Variants in NCOA2 observed in about 807,000 individuals in gnomAD.
NCOA2 encodes the protein class E basic helix-loop-helix protein 75.
A neutral mutation model predicts 145.1 loss-of-function variants in NCOA2; 21 were observed. The observed-to-expected ratio is 0.14, with a 90% confidence interval of 0.10 to 0.21. NCOA2 has a LOEUF of 0.21. Ranked by LOEUF, NCOA2 falls within the 10% of genes least tolerant of loss-of-function variation. The pLI is 1.00. For missense variants in NCOA2, 1,472 were observed against 1,837.6 expected (o/e 0.80, Z 3.64); for synonymous variants, 619 against 637.5 (o/e 0.97, Z 0.44).
Position 70,138,183 on chromosome 8 carries a change from C to A in NCOA2, c.3158+20G>T. On this transcript the variant is annotated intron_variant, in intron 15 of 22. Coordinates refer to ENST00000452400, the MANE Select transcript of NCOA2 (RefSeq NM_006540.4). ...GGACAGGTATAAAATAACTGGCTACCCTAGGTGCTCAGGACTCACCTGTTT... is the reference window on the plus strand; with the variant it reads ...GGACAGGTATAAAATAACTGGCTACACTAGGTGCTCAGGACTCACCTGTTT... 1 of 1,599,694 alleles carries A rather than the reference C, an allele frequency of 6.3e-7. No homozygotes were observed. The highest frequency in any genetic ancestry group is 8.5e-7 in the Non-Finnish European group (1 of 1,176,064).
At chr8:70,372,015 G>A (rs946227594) in intron 1 of NCOA2, among the ~76,000 whole-genome samples, 13 of 151,982 alleles carry the variant, frequency 8.6e-5, no homozygotes, top group South Asian at 2.1e-4. Context: ...AAAGTATTAG[G>A]GAAAAAATGT....
chr8:70,388,493 G>C (rs1812872947), intron 1 of NCOA2, among the ~76,000 whole-genome samples: 1 of 152,064 alleles, frequency 6.6e-6, no homozygotes, highest in Non-Finnish European at 1.5e-5. Flanking sequence ...TATCTGTATA[G>C]CCCTCCACTC....
chr8:70,272,525 C>T (rs1293785589), intron 2 of NCOA2, among the ~76,000 whole-genome samples: 1 of 151,888 alleles, frequency 6.6e-6, no homozygotes, highest in Non-Finnish European at 1.5e-5. Flanking sequence ...TTTTTTCTTA[C>T]CCCACAGCAG....
chr8:70,273,190 G>A (rs1246567257), intron 2 of NCOA2, among the ~76,000 whole-genome samples: 1 of 152,064 alleles, frequency 6.6e-6, no homozygotes, highest in Non-Finnish European at 1.5e-5. Context: ...CTAAAGCAGT[G>A]AGCAGACATC....
chr8:70,425,579 T>A, the NCOA2 span, among the ~76,000 whole-genome samples: 53 of 152,320 alleles, frequency 3.5e-4, no homozygotes, highest in South Asian at 3.5e-3. Context: ...ATCAGATCCA[T>A]GACCAATTGT....
the NCOA2 span, among the ~76,000 whole-genome samples, chr8:70,455,399 A>G: frequency 6.6e-6 from 1 of 152,228 alleles, no homozygotes; most frequent in Non-Finnish European, 1.5e-5. Context: ...TAAGCTGCAT[A>G]GCTTTAAATT....
chr8:70,187,757 TA>T (rs1326475842), intron 4 of NCOA2, among the ~76,000 whole-genome samples: 1 of 152,240 alleles, frequency 6.6e-6, no homozygotes, highest in African/African-American at 2.4e-5. Context: ...GTTTTACATA[TA>T]TTAACCACAA....
the NCOA2 span, among the ~76,000 whole-genome samples, chr8:70,412,555 G>A: frequency 1.3e-5 from 2 of 148,180 alleles, no homozygotes; most frequent in Non-Finnish European, 3.0e-5. Flanking sequence ...AGCTGAGACA[G>A]GAGAATTGCT....
chr8:70,121,501 GA>G, intron 21 of NCOA2, 110 bp from the exon 22 acceptor site: 9 of 759,304 alleles, frequency 1.2e-5, no homozygotes, highest in East Asian at 2.8e-5. Context: ...TAAAAACGGG[GA>G]AAAGGAACTG....
At chr8:70,389,120 G>A (rs1812942962) in intron 1 of NCOA2, among the ~76,000 whole-genome samples, 1 of 151,922 alleles carries the variant, frequency 6.6e-6, no homozygotes, top group Non-Finnish European at 1.5e-5. Flanking sequence ...TACTATTTTT[G>A]TTGTTCCCCC....
the NCOA2 span, among the ~76,000 whole-genome samples, chr8:70,432,828 T>C: frequency 2.0e-5 from 3 of 152,178 alleles, no homozygotes; most frequent in Non-Finnish European, 4.4e-5. Flanking sequence ...TAAGTTTAGA[T>C]ATAGCAAAGT....
In NCOA2 at chr8:70,121,360, A is replaced by G; in HGVS notation, c.4325T>C (p.Leu1442Pro). The stretch of plus-strand genomic sequence containing the variant: ...CATTCCAGGCAGCTGGTTTGGGAAC[A>G]GGTTGCCTCCCCTCAGAGCAGGATC... The part of the protein sequence containing the change: ...VNDPALRGGN[L>P]FPNQLPGMDM... Residue 1442 changes from leucine (L) to proline (P), a missense_variant, in exon 22 of 23, where the codon CTG becomes CCG. Physicochemically the swap from Leu to Pro is moderately conservative, Grantham distance 98. This residue lies in a region of NCOA2 where 232 missense variants were observed against 290.6 expected (regional missense o/e 0.80). Coordinates refer to ENST00000452400, the MANE Select transcript of NCOA2 (RefSeq NM_006540.4). 2.5e-6 allele frequency: 4 copies of G among 1,612,894 alleles called. No individual in the cohort carries two copies. In the South Asian group the frequency reaches 3.3e-5, roughly 13 times the overall value.
chr8:70,320,818 G>A (rs1297001844), intron 1 of NCOA2, among the ~76,000 whole-genome samples: 3 of 152,072 alleles, frequency 2.0e-5, no homozygotes, highest in Non-Finnish European at 4.4e-5. Flanking sequence ...AACTGGTCTC[G>A]AAAACAAGGA....
intron 2 of NCOA2, among the ~76,000 whole-genome samples, chr8:70,261,581 T>TA (rs1234508747): frequency 2.0e-5 from 3 of 151,872 alleles, no homozygotes; most frequent in Admixed American, 2.0e-4. Flanking sequence ...CCCTAAAACT[T>TA]AAAGTATAAT....
At chr8:70,451,644 G>A in the NCOA2 span, among the ~76,000 whole-genome samples, 1 of 151,994 alleles carries the variant, frequency 6.6e-6, no homozygotes, top group Non-Finnish European at 1.5e-5. Context: ...ATGCAGAAAG[G>A]GTACTTGGTT....
chr8:70,127,729 C>T (rs545633561), intron 18 of NCOA2, among the ~76,000 whole-genome samples: 21 of 152,338 alleles, frequency 1.4e-4, no homozygotes, highest in African/African-American at 4.8e-4. Context: ...AATACACATG[C>T]CACTGTCACA....
the NCOA2 span, among the ~76,000 whole-genome samples, chr8:70,447,392 T>C: frequency 6.6e-6 from 1 of 152,044 alleles, no homozygotes; most frequent in African/African-American, 2.4e-5. Flanking sequence ...AAGAAACTTT[T>C]CCAAAAAGAT....
intron 1 of NCOA2, among the ~76,000 whole-genome samples, chr8:70,335,116 C>G (rs981301060): frequency 1.0e-5 from 1 of 99,598 alleles, no homozygotes; most frequent in African/African-American, 4.2e-5. Context: ...GCATGAGACT[C>G]CATCTCAAAA....
At chr8:70,136,954 T>C (rs1436518797) in intron 15 of NCOA2, among the ~76,000 whole-genome samples, 4 of 152,232 alleles carry the variant, frequency 2.6e-5, no homozygotes, top group African/African-American at 7.2e-5. Flanking sequence ...TGTCCACACA[T>C]TGCTTATGCA....
Sources: allele counts gnomAD v4.1 joint callset (sites outside exome capture counted in the v4.1 genomes callset), GRCh38; gene constraint gnomAD v4.1.1; regional missense constraint gnomAD v4.1.1; transcripts MANE v1.5; gene names NCBI Gene and HGNC (gene_info 2026-07-23, HGNC 2026-07-21).